RBPJ: variants seen among roughly 807,000 people sequenced by gnomAD.
RBPJ encodes recombining binding protein suppressor of hairless.
In RBPJ, 9 loss-of-function variants were observed where a neutral mutation model predicts 67.8. That is an observed-to-expected ratio of 0.13 (90% CI 0.08 to 0.23). The LOEUF is 0.23. Among genes scored for constraint, RBPJ ranks in the 10% least tolerant of loss-of-function variants. The probability of loss-of-function intolerance (pLI) is 1.00; values close to 1 mark genes in which losing one functional copy is unlikely to be tolerated. For synonymous variants in RBPJ, 198 were observed against 203.3 expected (o/e 0.97, Z 0.22); for missense variants, 305 against 595.6 (o/e 0.51, Z 5.08).
chr4:26,349,275 T>G (rs1200898741), intron 1 of RBPJ, among the ~76,000 whole-genome samples: 2 of 152,068 alleles, frequency 1.3e-5, no homozygotes, highest in African/African-American at 4.8e-5. Context: ...TCTCGCTATG[T>G]TGCCCAGGCT....
intron 1 of RBPJ, among the ~76,000 whole-genome samples, chr4:26,260,820 C>T (rs754580650): frequency 6.6e-6 from 1 of 152,138 alleles, no homozygotes; most frequent in Non-Finnish European, 1.5e-5. Flanking sequence ...TTCCATGAAG[C>T]CTCCTTCCTC....
At chr4:26,150,771 TGG>T in the RBPJ span, among the ~76,000 whole-genome samples, 3 of 152,134 alleles carry the variant, frequency 2.0e-5, no homozygotes, top group African/African-American at 7.2e-5. Flanking sequence ...CCCGGTCTCA[TGG>T]GGTGAGGGAA....
At chr4:26,367,534 A>C (rs1026192094) in intron 1 of RBPJ, among the ~76,000 whole-genome samples, 14 of 152,246 alleles carry the variant, frequency 9.2e-5, no homozygotes, top group Non-Finnish European at 1.9e-4. Flanking sequence ...TTTGTATAAT[A>C]GGTGCTTCTT....
chr4:26,305,284 GTTC>G (rs1722197361), intron 1 of RBPJ, among the ~76,000 whole-genome samples: 1 of 152,140 alleles, frequency 6.6e-6, no homozygotes, highest in Admixed American at 6.5e-5. Context: ...CTCCAACTCT[GTTC>G]TTCTTTTTCA....
intron 1 of RBPJ, among the ~76,000 whole-genome samples, chr4:26,354,616 A>G (rs966873291): frequency 6.6e-6 from 1 of 151,666 alleles, no homozygotes; most frequent in Non-Finnish European, 1.5e-5. Flanking sequence ...CATCCAGCTA[A>G]TTTTTGTATT....
intron 1 of RBPJ, among the ~76,000 whole-genome samples, chr4:26,360,411 G>A (rs1034326757): frequency 4.6e-5 from 7 of 152,008 alleles, no homozygotes; most frequent in Non-Finnish European, 8.8e-5. Context: ...AAGTACAGTC[G>A]TAACATTTTC....
At chr4:26,116,914 C>A in the RBPJ span, among the ~76,000 whole-genome samples, 1 of 152,170 alleles carries the variant, frequency 6.6e-6, no homozygotes, top group African/African-American at 2.4e-5. Flanking sequence ...AGAGAACCTG[C>A]TCTTCATTGA....
At chr4:26,112,427 G>A in the RBPJ span, 1 of 153,300 alleles carries the variant, frequency 6.5e-6, no homozygotes, top group South Asian at 2.1e-4. Context: ...GAGAGAAATT[G>A]TATAAATATG....
intron 1 of RBPJ, among the ~76,000 whole-genome samples, chr4:26,189,222 TA>T (rs1717388458): frequency 6.6e-6 from 1 of 152,016 alleles, no homozygotes; most frequent in Non-Finnish European, 1.5e-5. Flanking sequence ...GTCTCTATAT[TA>T]AAAACAAATC....
At chr4:26,133,204 C>A in the RBPJ span, among the ~76,000 whole-genome samples, 2 of 152,232 alleles carry the variant, frequency 1.3e-5, no homozygotes, top group Non-Finnish European at 2.9e-5. Flanking sequence ...ACTGTTTTCA[C>A]GTATGTCTGC....
At chr4:26,171,060 T>A (rs1229832137) in intron 1 of RBPJ, among the ~76,000 whole-genome samples, 1 of 152,190 alleles carries the variant, frequency 6.6e-6, no homozygotes, top group African/African-American at 2.4e-5. Flanking sequence ...GCATTAGACT[T>A]GGAGTCGAAG....
chr4:26,209,204 T>C (rs1457559910), intron 1 of RBPJ, among the ~76,000 whole-genome samples: 1 of 151,886 alleles, frequency 6.6e-6, no homozygotes, highest in African/African-American at 2.4e-5. Flanking sequence ...TGCCTGAAAG[T>C]TAAAATGTTG....
At chr4:26,160,120 G>A (rs992287146), upstream of RBPJ, among the ~76,000 whole-genome samples, 70 of 151,800 alleles carry the variant, frequency 4.6e-4, no homozygotes, top group African/African-American at 1.4e-3. Context: ...GGGTTTCACC[G>A]TGTTAGCCAG....
At chr4:26,225,309 A>T (rs1373194939) in intron 1 of RBPJ, among the ~76,000 whole-genome samples, 1 of 152,252 alleles carries the variant, frequency 6.6e-6, no homozygotes, top group African/African-American at 2.4e-5. Flanking sequence ...ATGAAAAGAC[A>T]TGAATAAAAA....
At chr4:26,304,139 T>C (rs1218821217) in intron 1 of RBPJ, among the ~76,000 whole-genome samples, 1 of 152,256 alleles carries the variant, frequency 6.6e-6, no homozygotes, top group Non-Finnish European at 1.5e-5. Flanking sequence ...GCTGCTTTCA[T>C]TTAGCACGTT....
At chr4:26,393,851 A>G (rs76854965) in intron 2 of RBPJ, among the ~76,000 whole-genome samples, 1 of 151,920 alleles carries the variant, frequency 6.6e-6, no homozygotes, top group Non-Finnish European at 1.5e-5. Context: ...AAAAAAAAAA[A>G]TCTTTGAAAC....
intron 1 of RBPJ, among the ~76,000 whole-genome samples, chr4:26,298,186 G>GA (rs904495003): frequency 3.3e-5 from 5 of 149,412 alleles, no homozygotes; most frequent in African/African-American, 4.9e-5. Context: ...TAATCCTTGG[G>GA]AAAAAAAAAT....
chr4:26,109,452 CTCTCTCTCTATATATATA>C, the RBPJ span, among the ~76,000 whole-genome samples: 2 of 24,222 alleles, frequency 8.3e-5, no homozygotes, highest in African/African-American at 2.6e-4. Flanking sequence ...CTCTCTCTCT[CTCTCTCTCTATATATATA>C]TATATATATA....
chr4:26,218,167 G>C (rs1182185728), intron 1 of RBPJ, among the ~76,000 whole-genome samples: 1 of 152,166 alleles, frequency 6.6e-6, no homozygotes, highest in Non-Finnish European at 1.5e-5. Context: ...TGAGGATCTG[G>C]GTTGGGAGAC....
Sources: allele counts gnomAD v4.1 joint callset (sites outside exome capture counted in the v4.1 genomes callset), GRCh38; gene constraint gnomAD v4.1.1; transcripts MANE v1.5; gene names NCBI Gene and HGNC (gene_info 2026-07-23, HGNC 2026-07-21).